The following INPP4B variants were observed in gnomAD, a reference collection of about 807,000 sequenced individuals.
INPP4B encodes the protein inositol polyphosphate-4-phosphatase type II B, also known as inositol polyphosphate 4-phosphatase type II.
A neutral mutation model predicts 122.5 loss-of-function variants in INPP4B; 55 were observed. The observed-to-expected ratio is 0.45, with a 90% CI of 0.36 to 0.56. INPP4B has a LOEUF of 0.56. Among genes scored for constraint, INPP4B ranks in the 20% least tolerant of loss-of-function variants. The pLI is 0.00. For synonymous variants in INPP4B, 403 were observed against 388.7 expected (o/e 1.04, Z -0.43); for missense variants, 1,000 against 1,097.7 (o/e 0.91, Z 1.26).
chr4:142,052,533 C>T (rs1755225993), intron 25 of INPP4B, among the ~76,000 whole-genome samples: 1 of 151,972 alleles, frequency 6.6e-6, no homozygotes, highest in Admixed American at 6.6e-5. Context: ...TTCCAACAGA[C>T]AAGACATGTA....
chr4:142,669,510 C>T (rs994819321), intron 2 of INPP4B, among the ~76,000 whole-genome samples: 1 of 152,080 alleles, frequency 6.6e-6, no homozygotes, highest in African/African-American at 2.4e-5. Context: ...AATAAATTCA[C>T]ACATTTACAG....
intron 7 of INPP4B, among the ~76,000 whole-genome samples, chr4:142,396,500 G>C (rs1799427484): frequency 6.6e-6 from 1 of 152,064 alleles, no homozygotes; most frequent in Non-Finnish European, 1.5e-5. Context: ...CAAATTACTA[G>C]GAGTAGGAGT....
intron 2 of INPP4B, among the ~76,000 whole-genome samples, chr4:142,548,755 G>C (rs943138371): frequency 4.7e-5 from 6 of 128,990 alleles, no homozygotes; most frequent in Non-Finnish European, 6.7e-5. Context: ...GTGTCTGTGT[G>C]TGTGTGTGTG....
intron 2 of INPP4B, among the ~76,000 whole-genome samples, chr4:142,699,979 A>T (rs182261309): frequency 6.6e-6 from 1 of 152,240 alleles, no homozygotes; most frequent in Admixed American, 6.5e-5. Flanking sequence ...GCATACAAAC[A>T]ATCTATTACT....
chr4:142,075,370 C>T (rs1770042065), intron 25 of INPP4B, among the ~76,000 whole-genome samples: 1 of 151,438 alleles, frequency 6.6e-6, no homozygotes, highest in Non-Finnish European at 1.5e-5. Flanking sequence ...AAACTGAGTG[C>T]TGAGTGCTGC....
At chr4:142,739,820 G>A (rs917076973) in intron 1 of INPP4B, among the ~76,000 whole-genome samples, 6 of 151,934 alleles carry the variant, frequency 3.9e-5, no homozygotes, top group East Asian at 1.9e-4. Flanking sequence ...TTTAAGAAAC[G>A]CTACAAGCAC....
intron 2 of INPP4B, among the ~76,000 whole-genome samples, chr4:142,570,548 G>C (rs1037519197): frequency 6.6e-6 from 1 of 151,564 alleles, no homozygotes; most frequent in African/African-American, 2.4e-5. Context: ...GCTACATGAA[G>C]GCACGATCTG....
At chr4:142,108,289 C>T (rs1788181083) in intron 22 of INPP4B, 99 bp from the exon 23 acceptor site, 1 of 687,396 alleles carries the variant, frequency 1.5e-6, no homozygotes, top group Non-Finnish European at 2.6e-6. Flanking sequence ...AAATAATTTC[C>T]TAAGGAAAGA....
chr4:142,281,770 T>C (rs1203289424), intron 9 of INPP4B, among the ~76,000 whole-genome samples: 1 of 152,062 alleles, frequency 6.6e-6, no homozygotes, highest in South Asian at 2.1e-4. Context: ...TGTATTTTTA[T>C]GCTTAATTGC....
intron 25 of INPP4B, among the ~76,000 whole-genome samples, chr4:142,031,386 A>G (rs900076600): frequency 5.3e-5 from 8 of 152,174 alleles, no homozygotes. Flanking sequence ...CAAGTCCTAT[A>G]CAGAAATTTT....
intron 8 of INPP4B, among the ~76,000 whole-genome samples, chr4:142,307,138 A>T (rs1763690678): frequency 1.3e-5 from 2 of 152,128 alleles, no homozygotes; most frequent in Admixed American, 1.3e-4. Flanking sequence ...ATAAAGAAGG[A>T]AGTTTGTGAG....
intron 24 of INPP4B, 103 bp downstream of exon 24, chr4:142,086,041 T>C (rs1056641606): frequency 5.3e-6 from 4 of 749,254 alleles, no homozygotes; most frequent in African/African-American, 5.3e-5. Context: ...AGATGACACC[T>C]GGCAACCCAA....
chr4:142,588,994 G>GA (rs994516103), intron 2 of INPP4B, among the ~76,000 whole-genome samples: 15 of 151,748 alleles, frequency 9.9e-5, no homozygotes, highest in African/African-American at 3.1e-4. Flanking sequence ...CAAAAGAGTA[G>GA]AAAAAAAATG....
intron 25 of INPP4B, among the ~76,000 whole-genome samples, chr4:142,039,423 C>T (rs780244264): frequency 1.7e-4 from 26 of 151,356 alleles, no homozygotes; most frequent in South Asian, 6.3e-4. Context: ...TATAAAATTC[C>T]GAGAAAATAG....
chr4:142,517,232 T>C (rs948083068), intron 2 of INPP4B, among the ~76,000 whole-genome samples: 16 of 151,792 alleles, frequency 1.1e-4, no homozygotes, highest in African/African-American at 3.9e-4. Flanking sequence ...GTAATTGAGG[T>C]TTGCAAGTAG....
intron 1 of INPP4B, among the ~76,000 whole-genome samples, chr4:142,731,760 T>G (rs1449390977): frequency 2.2e-5 from 3 of 137,908 alleles, no homozygotes; most frequent in African/African-American, 8.2e-5. Context: ...TCAAAAGAAC[T>G]TGAGATTTTC....
chr4:142,654,129 C>G (rs1349479679), intron 2 of INPP4B, among the ~76,000 whole-genome samples: 1 of 151,956 alleles, frequency 6.6e-6, no homozygotes, highest in African/African-American at 2.4e-5. Context: ...GACAGAAAAC[C>G]AAACACCACA....
intron 7 of INPP4B, among the ~76,000 whole-genome samples, chr4:142,384,999 C>G (rs1445014778): frequency 1.3e-5 from 2 of 152,142 alleles, no homozygotes; most frequent in Non-Finnish European, 2.9e-5. Flanking sequence ...TTTTCTTTAT[C>G]CAGTCTATGG....
At position 142,410,146 on chromosome 4, in the gene INPP4B, C is replaced by A. The variant is rs182008530; in HGVS notation, c.137-4822G>T. ...CAGAGAGCTCAGTCTCAGCAATAAT[C>A]AATTTGAAGTAGAACACAACTGTTC... On this transcript the variant is annotated intron_variant, in intron 5 of 25. Transcript: ENST00000262992. Among the ~76,000 whole-genome samples the A allele has an allele frequency of 5.3e-5, 8 of 152,290 alleles. No individual in the cohort carries two copies. In the East Asian group the frequency reaches 1.5e-3, roughly 29 times the overall value.
Sources: gnomAD v4.1 joint callset for allele counts (sites outside exome capture counted in the v4.1 genomes callset) on GRCh38, gnomAD v4.1.1 for gene constraint, MANE v1.5 for transcripts, NCBI Gene and HGNC (gene_info 2026-07-23, HGNC 2026-07-21) for gene names.